Variants in CTNNA2 observed in about 807,000 individuals in gnomAD.
The protein encoded by CTNNA2 is catenin alpha-2.
Under a neutral mutation model 101.0 loss-of-function variants are expected in CTNNA2, and 42 were observed. That is an observed-to-expected ratio of 0.42 (90% CI 0.32 to 0.54). CTNNA2 has a LOEUF of 0.54. CTNNA2 is among the 20% of genes least tolerant of loss of function. The pLI is 0.14. For missense variants in CTNNA2, 871 were observed against 1,223.1 expected (o/e 0.71, Z 4.29); for synonymous variants, 450 against 456.4 (o/e 0.99, Z 0.18).
intron 2 of CTNNA2, among the ~76,000 whole-genome samples, chr2:79,207,549 A>G (rs1237681489): frequency 2.6e-5 from 4 of 152,194 alleles, no homozygotes; most frequent in African/African-American, 9.7e-5. Flanking sequence ...TCCAACACAT[A>G]AAAATCACAG....
chr2:80,058,738 C>A lies in CTNNA2; in HGVS notation c.1056+148941C>A, dbSNP rs960318408. Among the ~76,000 whole-genome samples, 4 of 151,996 alleles carry A rather than the reference C, an allele frequency of 2.6e-5. No individual in the cohort carries two copies. In the East Asian group the frequency reaches 7.7e-4, roughly 29 times the overall value. On this transcript the variant is annotated intron_variant, in intron 7 of 18. Coordinates refer to ENST00000402739, the MANE Select transcript of CTNNA2 (RefSeq NM_001282597.3). ...TGAAGATCTTCCAACTCAACTCTTT[C>A]ATTGCGCAAATGCAACCGCAACCAC...
At chr2:79,565,569 C>T (rs549797832) in intron 1 of CTNNA2, among the ~76,000 whole-genome samples, 1 of 152,228 alleles carries the variant, frequency 6.6e-6, no homozygotes, top group Admixed American at 6.5e-5. Context: ...TGGAAACTCG[C>T]AGAAGTATTT....
intron 7 of CTNNA2, among the ~76,000 whole-genome samples, chr2:80,051,300 C>A (rs1572948847): frequency 6.6e-6 from 1 of 152,112 alleles, no homozygotes; most frequent in South Asian, 2.1e-4. Context: ...CATAATGGTG[C>A]ATCCAATTCT....
intron 7 of CTNNA2, among the ~76,000 whole-genome samples, chr2:80,017,182 G>C (rs1245038286): frequency 1.3e-5 from 2 of 152,098 alleles, no homozygotes; most frequent in Non-Finnish European, 2.9e-5. Context: ...CTTCTAGAGT[G>C]TAAACTTAAC....
chr2:79,556,262 GT>G (rs1674438231), intron 1 of CTNNA2, among the ~76,000 whole-genome samples: 1 of 151,908 alleles, frequency 6.6e-6, no homozygotes, highest in East Asian at 1.9e-4. Flanking sequence ...TCATGCATTT[GT>G]TCAGTAACTG....
chr2:79,280,363 C>G (rs1290365244), intron 2 of CTNNA2, among the ~76,000 whole-genome samples: 3 of 152,050 alleles, frequency 2.0e-5, no homozygotes, highest in Non-Finnish European at 2.9e-5. Flanking sequence ...CATGCCTGCA[C>G]CACAGCACAG....
At chr2:80,255,463 T>C (rs191597490) in intron 7 of CTNNA2, among the ~76,000 whole-genome samples, 1 of 152,184 alleles carries the variant, frequency 6.6e-6, no homozygotes, top group East Asian at 1.9e-4. Context: ...ATTGCTGGGC[T>C]TCAGTCCCAT....
chr2:79,286,663 C>T (rs1675598632), intron 2 of CTNNA2, among the ~76,000 whole-genome samples: 2 of 152,172 alleles, frequency 1.3e-5, no homozygotes, highest in Non-Finnish European at 2.9e-5. Context: ...GTATCCCGAC[C>T]TTTCTCTCTG....
chr2:79,235,692 A>C (rs1674547277), intron 2 of CTNNA2, among the ~76,000 whole-genome samples: 1 of 152,178 alleles, frequency 6.6e-6, no homozygotes, highest in South Asian at 2.1e-4. Flanking sequence ...CTGCTTAGAC[A>C]CTGTGCAAGT....
chr2:79,854,325 G>T (rs1467017353), intron 3 of CTNNA2, among the ~76,000 whole-genome samples: 1 of 152,216 alleles, frequency 6.6e-6, no homozygotes, highest in Non-Finnish European at 1.5e-5. Flanking sequence ...AATGAATAAT[G>T]ATCACCCGTT....
intron 1 of CTNNA2, among the ~76,000 whole-genome samples, chr2:79,568,963 A>G (rs1340202316): frequency 6.6e-6 from 1 of 151,660 alleles, no homozygotes; most frequent in Non-Finnish European, 1.5e-5. Context: ...CAGCCCAGGA[A>G]GTAAAGGTTG....
chr2:79,935,806 G>T (rs1165148353), intron 7 of CTNNA2, among the ~76,000 whole-genome samples: 4 of 152,190 alleles, frequency 2.6e-5, no homozygotes, highest in Non-Finnish European at 5.9e-5. Flanking sequence ...AATACACCTT[G>T]TGTTATTTTT....
chr2:80,353,533 A>G (rs1397676563), intron 7 of CTNNA2, among the ~76,000 whole-genome samples: 1 of 152,172 alleles, frequency 6.6e-6, no homozygotes, highest in Non-Finnish European at 1.5e-5. Flanking sequence ...TAACACAAAG[A>G]TCACATATCC....
At chr2:79,300,987 C>T (rs1382080687) in intron 2 of CTNNA2, among the ~76,000 whole-genome samples, 6 of 152,308 alleles carry the variant, frequency 3.9e-5, no homozygotes, top group Admixed American at 3.9e-4. Flanking sequence ...AACATTTTTC[C>T]TGACCTCTTT....
chr2:80,011,079 A>G (rs1405399218), intron 7 of CTNNA2, among the ~76,000 whole-genome samples: 7 of 152,112 alleles, frequency 4.6e-5, no homozygotes, highest in Admixed American at 6.6e-5. Flanking sequence ...CCCCACTCCA[A>G]ACAGAAGAAA....
chr2:79,527,679 T>C (rs921302480), intron 1 of CTNNA2, among the ~76,000 whole-genome samples: 12 of 151,932 alleles, frequency 7.9e-5, no homozygotes, highest in African/African-American at 1.9e-4. Context: ...GGAATCCTTA[T>C]ACATGAAGGT....
chr2:80,209,495 G>A (rs1406745843), intron 7 of CTNNA2, among the ~76,000 whole-genome samples: 1 of 152,048 alleles, frequency 6.6e-6, no homozygotes, highest in Non-Finnish European at 1.5e-5. Flanking sequence ...GCTGCCCAGA[G>A]TATTTTTATT....
intron 3 of CTNNA2, among the ~76,000 whole-genome samples, chr2:79,335,660 T>C (rs779329179): frequency 1.1e-4 from 16 of 152,320 alleles, no homozygotes; most frequent in Middle Eastern, 6.8e-3. Flanking sequence ...TACTCCAAAA[T>C]AGACTCTGAC....
At chr2:79,461,126 G>A (rs535461643) in intron 4 of CTNNA2, among the ~76,000 whole-genome samples, 1 of 152,332 alleles carries the variant, frequency 6.6e-6, no homozygotes, top group South Asian at 2.1e-4. Flanking sequence ...ATAGGCGTGA[G>A]CCACGGTTCC....
Sources: gnomAD v4.1 joint callset for allele counts (sites outside exome capture counted in the v4.1 genomes callset) on GRCh38, gnomAD v4.1.1 for gene constraint, MANE v1.5 for transcripts, NCBI Gene and HGNC (gene_info 2026-07-23, HGNC 2026-07-21) for gene names.